SLC25A48: variants seen among roughly 807,000 people sequenced by gnomAD.
SLC25A48 encodes the protein solute carrier family 25 member 48.
A neutral mutation model predicts 32.2 loss-of-function variants in SLC25A48; 29 were observed. The ratio of observed to expected loss-of-function variants is 0.90; its 90% CI spans 0.67 to 1.23. SLC25A48 has a LOEUF of 1.23. SLC25A48 is among the 50% of genes most tolerant of loss of function. SLC25A48 has a pLI of 0.00. For synonymous variants in SLC25A48, 164 were observed against 172.3 expected (o/e 0.95, Z 0.38); for missense variants, 399 against 422.7 (o/e 0.94, Z 0.49).
chr5:135,839,593 G>C (rs1383165530), intron 1 of SLC25A48, among the ~76,000 whole-genome samples: 1 of 152,154 alleles, frequency 6.6e-6, no homozygotes, highest in Non-Finnish European at 1.5e-5. Flanking sequence ...TAAGACTTTG[G>C]GGCGCCGTTG....
chr5:135,868,813 G>A (rs1413120295), intron 4 of SLC25A48, among the ~76,000 whole-genome samples: 1 of 152,138 alleles, frequency 6.6e-6, no homozygotes, highest in African/African-American at 2.4e-5. Context: ...GCACCTCCAA[G>A]CAGACACAAT....
chr5:135,757,653 G>T (rs542693453), intron 3 of SLC25A48, among the ~76,000 whole-genome samples: 2 of 149,476 alleles, frequency 1.3e-5, no homozygotes, highest in East Asian at 2.1e-4. Context: ...ACATCTAGAT[G>T]ATATTTATAA....
At chr5:135,618,342 G>C (rs1488860000) in intron 1 of SLC25A48, among the ~76,000 whole-genome samples, 1 of 151,740 alleles carries the variant, frequency 6.6e-6, no homozygotes, top group Non-Finnish European at 1.5e-5. Flanking sequence ...GCAGAAAATA[G>C]GTGGATCATT....
Position 135,629,709 on chromosome 5 carries a change from C to T in SLC25A48, c.-709+333C>T, listed in dbSNP as rs751628791. ...GTGATCAGTTATCACAACCAAGGAGCGAGGGAGCTGGGGCATTGATCCTTC... is the reference window on the plus strand; with the variant it reads ...GTGATCAGTTATCACAACCAAGGAGTGAGGGAGCTGGGGCATTGATCCTTC... On this transcript the variant is annotated intron_variant, in intron 2 of 10. Coordinates refer to the SLC25A48 transcript ENST00000646290. The surrounding 1 kb of genome is among the most constrained non-coding windows in gnomAD (Gnocchi z 4.8). 6.6e-5 allele frequency among the ~76,000 whole-genome samples: 10 copies of T among 152,090 alleles called. No homozygotes were observed. The highest frequency in any genetic ancestry group is 1.9e-4 in the African/African-American group (8 of 41,430).
chr5:135,786,204 A>T (rs996082056), intron 3 of SLC25A48, among the ~76,000 whole-genome samples: 2 of 152,024 alleles, frequency 1.3e-5, no homozygotes, highest in Non-Finnish European at 2.9e-5. Flanking sequence ...GCAGGGGTGT[A>T]AAACCCTCCT....
At chr5:135,870,641 C>A (rs1254371548) in intron 4 of SLC25A48, among the ~76,000 whole-genome samples, 1 of 152,194 alleles carries the variant, frequency 6.6e-6, no homozygotes, top group African/African-American at 2.4e-5. Context: ...GAGTGAGTCA[C>A]TGAGAATATA....
chr5:135,745,816 G>T (rs553956441), intron 3 of SLC25A48, among the ~76,000 whole-genome samples: 2 of 152,100 alleles, frequency 1.3e-5, no homozygotes, highest in African/African-American at 4.8e-5. Flanking sequence ...TTGAATGAAC[G>T]GAAGAATCAC....
intron 4 of SLC25A48, among the ~76,000 whole-genome samples, chr5:135,861,160 C>T (rs1238107041): frequency 6.6e-6 from 1 of 152,130 alleles, no homozygotes; most frequent in African/African-American, 2.4e-5. Flanking sequence ...TTTTAAGAAG[C>T]TGTGATCATG....
intron 3 of SLC25A48, among the ~76,000 whole-genome samples, chr5:135,673,300 T>C (rs1248470326): frequency 6.6e-6 from 1 of 152,184 alleles, no homozygotes; most frequent in Non-Finnish European, 1.5e-5. Flanking sequence ...TCCAAATATA[T>C]GCCAAACTGT....
intron 4 of SLC25A48, among the ~76,000 whole-genome samples, chr5:135,867,320 A>G (rs1304192222): frequency 6.6e-6 from 1 of 152,132 alleles, no homozygotes; most frequent in Non-Finnish European, 1.5e-5. Flanking sequence ...TGGACAAAGG[A>G]CTTGCAAGTC....
intron 3 of SLC25A48, among the ~76,000 whole-genome samples, chr5:135,650,734 A>C (rs978537667): frequency 6.6e-6 from 1 of 152,072 alleles, no homozygotes; most frequent in African/African-American, 2.4e-5. Flanking sequence ...AACAGAACTG[A>C]GAACATCCAG....
intron 3 of SLC25A48, among the ~76,000 whole-genome samples, chr5:135,730,465 A>G (rs4037597): frequency 0.99 from 150,311 of 152,334 alleles, 74,164 homozygotes; most frequent in East Asian, 1. Flanking sequence ...ATGATTGTGA[A>G]GATTCCCCAG....
intron 3 of SLC25A48, among the ~76,000 whole-genome samples, chr5:135,786,216 G>T (rs1756845829): frequency 6.6e-6 from 1 of 152,038 alleles, no homozygotes; most frequent in African/African-American, 2.4e-5. Context: ...AACCCTCCTT[G>T]CACCATGGAT....
At chr5:135,800,298 G>T (rs1265303535) in intron 3 of SLC25A48, among the ~76,000 whole-genome samples, 1 of 151,794 alleles carries the variant, frequency 6.6e-6, no homozygotes, top group Non-Finnish European at 1.5e-5. Flanking sequence ...AGGGTGTACA[G>T]CCCGCTTGTG....
At chr5:135,693,737 T>A (rs1371663002) in intron 3 of SLC25A48, among the ~76,000 whole-genome samples, 1 of 152,188 alleles carries the variant, frequency 6.6e-6, no homozygotes, top group African/African-American at 2.4e-5. Flanking sequence ...GCAACCTGTC[T>A]GGGCATCTGC....
intron 3 of SLC25A48, among the ~76,000 whole-genome samples, chr5:135,687,554 G>A (rs1229963600): frequency 2.0e-5 from 3 of 151,974 alleles, no homozygotes; most frequent in Non-Finnish European, 4.4e-5. Flanking sequence ...TGTCAATTCA[G>A]GTCAAGTCTT....
chr5:135,874,414 A>C (rs1167514489), intron 6 of SLC25A48, among the ~76,000 whole-genome samples: 2 of 152,222 alleles, frequency 1.3e-5, no homozygotes, highest in African/African-American at 4.8e-5. Context: ...CAGCTGGTCC[A>C]TGGTGGCGCC....
chr5:135,885,183 CCA>C (rs1762670831), intron 7 of SLC25A48, among the ~76,000 whole-genome samples: 1 of 152,180 alleles, frequency 6.6e-6, no homozygotes, highest in Non-Finnish European at 1.5e-5. Context: ...CTCCCATCAA[CCA>C]CATCAGAACT....
At chr5:135,680,877 A>G (rs1221960385) in intron 3 of SLC25A48, among the ~76,000 whole-genome samples, 1 of 152,116 alleles carries the variant, frequency 6.6e-6, no homozygotes, top group African/African-American at 2.4e-5. Flanking sequence ...CTTCTTCTGA[A>G]ACTCCAATTA....
Sources: gnomAD v4.1 joint callset for allele counts (sites outside exome capture counted in the v4.1 genomes callset) on GRCh38, gnomAD v4.1.1 for gene constraint, Gnocchi (gnomAD v3.1) non-coding constraint, MANE v1.5 for transcripts, NCBI Gene and HGNC (gene_info 2026-07-23, HGNC 2026-07-21) for gene names.